The following KLHDC1 variants were observed in gnomAD, a reference collection of about 807,000 sequenced individuals.
The protein encoded by KLHDC1 is kelch domain-containing protein 1.
In KLHDC1, 53 loss-of-function variants were observed where a neutral mutation model predicts 68.3. That is an observed-to-expected ratio of 0.78 (90% CI 0.62 to 0.98). KLHDC1 has a LOEUF of 0.98. Among genes scored for constraint, KLHDC1 ranks in the 50% least tolerant of loss-of-function variants. The pLI, the probability that KLHDC1 is intolerant of heterozygous loss-of-function variation, is 0.00. For missense variants in KLHDC1, 470 were observed against 492.3 expected (o/e 0.95, Z 0.43); for synonymous variants, 148 against 159.0 (o/e 0.93, Z 0.52).
At chr14:49,701,126 A>G (rs1041011320) in intron 1 of KLHDC1, among the ~76,000 whole-genome samples, 7 of 152,190 alleles carry the variant, frequency 4.6e-5, no homozygotes, top group African/African-American at 1.7e-4. Context: ...ACAGCCAAGC[A>G]TATAAGGAAA....
At chr14:49,705,454 C>T (rs1176890280) in intron 1 of KLHDC1, among the ~76,000 whole-genome samples, 33 of 132,476 alleles carry the variant, frequency 2.5e-4, no homozygotes, top group Admixed American at 9.2e-5. Context: ...CTGCAACCTC[C>T]GCCTCCCAGG....
At chr14:49,713,823 TATATATATA>T (rs1888282565) in intron 4 of KLHDC1, among the ~76,000 whole-genome samples, 1 of 3,796 alleles carries the variant, frequency 2.6e-4, no homozygotes, top group Non-Finnish European at 1.9e-3. Context: ...TATATATATA[TATATATATA>T]TATATATATA....
intron 10 of KLHDC1, among the ~76,000 whole-genome samples, chr14:49,739,614 C>T (rs759208569): frequency 1.3e-5 from 2 of 152,032 alleles, no homozygotes; most frequent in Non-Finnish European, 2.9e-5. Context: ...ACAGTAACAT[C>T]GCAGATAGTA....
In KLHDC1 at chr14:49,693,169, C is replaced by A; in HGVS notation, c.-26C>A. 1 of 1,568,116 alleles carries A rather than the reference C, an allele frequency of 6.4e-7. No homozygotes were observed. The highest frequency in any genetic ancestry group is 8.6e-7 in the Non-Finnish European group (1 of 1,158,686). ...CGGGCGGGCAGGGGTTGTGGCGCGG[C>A]AAGCGGCGGGCCAGCGACGGCGCGA... On this transcript the variant is annotated 5_prime_UTR_variant, in exon 1 of 13. Transcript: ENST00000359332.
At chr14:49,729,079 G>T in intron 7 of KLHDC1, 70 bp downstream of exon 7, 2 of 1,041,888 alleles carry the variant, frequency 1.9e-6, no homozygotes, top group South Asian at 1.3e-5. Flanking sequence ...CTCTGATTTC[G>T]TGGAATAATT....
chr14:49,738,513 ATTT>A (rs940192146), intron 10 of KLHDC1, among the ~76,000 whole-genome samples: 1 of 149,446 alleles, frequency 6.7e-6, no homozygotes, highest in Non-Finnish European at 1.5e-5. Flanking sequence ...AGCTCGGCTA[ATTT>A]TTTTTTTATT....
chr14:49,710,292 T>C lies in KLHDC1; in HGVS notation c.315T>C (p.Asp105=). The C allele has an allele frequency of 6.2e-7, 1 of 1,608,452 alleles. No homozygotes were observed. Among genetic ancestry groups the C allele is most frequent in the African/African-American group, 1.3e-5 (1 of 74,870 alleles). Residue 105 remains aspartate (D), a synonymous_variant, in exon 4 of 13, where the codon GAT becomes GAC. Coordinates refer to ENST00000359332, the MANE Select transcript of KLHDC1 (RefSeq NM_172193.3). The part of the protein sequence containing the change: ...RLYFVNLRTR[D]ETYIWEKITD... ...ATTTTGTTAATTTACGAACAAGAGA[T>C]GAAACCTACATTTGGGAGAAAATCA...
At chr14:49,721,646 A>G (rs1444474603) in intron 4 of KLHDC1, among the ~76,000 whole-genome samples, 2 of 152,108 alleles carry the variant, frequency 1.3e-5, no homozygotes, top group Non-Finnish European at 2.9e-5. Context: ...TCTGGCTTCA[A>G]ATGTTTTGGG....
At chr14:49,746,683 A>G (rs867800985) in intron 12 of KLHDC1, among the ~76,000 whole-genome samples, 9 of 152,172 alleles carry the variant, frequency 5.9e-5, no homozygotes, top group African/African-American at 2.2e-4. Flanking sequence ...ACTAACCTCC[A>G]GCTCATTTTC....
chr14:49,740,065 G>T (rs757220929), intron 10 of KLHDC1, 33 bp from the exon 11 acceptor site: 1 of 1,204,562 alleles, frequency 8.3e-7, no homozygotes, highest in Non-Finnish European at 1.2e-6. Flanking sequence ...TCCCATGACA[G>T]TGTTTCACTC....
rs1040093448 is a variant in KLHDC1, at chr14:49,752,722, C to T, written c.*950C>T. On this transcript the variant is annotated 3_prime_UTR_variant, in exon 13 of 13. Coordinates refer to ENST00000359332, the MANE Select transcript of KLHDC1 (RefSeq NM_172193.3). ...TGTATTTTCAGCATTACCATCTATA[C>T]AGAAATGGAACACTGTATCTTTATA... 6.6e-6 allele frequency: 1 copy of T among 151,930 alleles called. No homozygotes were observed. Among genetic ancestry groups the T allele is most frequent in the Non-Finnish European group, 1.5e-5 (1 of 67,926 alleles). 9.4% of individuals were successfully genotyped at this position (151,930 alleles called of 1,614,324 possible).
intron 1 of KLHDC1, among the ~76,000 whole-genome samples, chr14:49,697,250 ATTG>A (rs1887770567): frequency 6.6e-6 from 1 of 152,100 alleles, no homozygotes; most frequent in Admixed American, 6.6e-5. Flanking sequence ...TACTTTCAAT[ATTG>A]TTGTATCTGA....
At chr14:49,741,572 G>T (rs1213609119) in intron 11 of KLHDC1, among the ~76,000 whole-genome samples, 3 of 152,038 alleles carry the variant, frequency 2.0e-5, no homozygotes, top group African/African-American at 7.2e-5. Context: ...CTCCCGAAGT[G>T]CAGGGATTAC....
chr14:49,745,313 T>C (rs913020778), intron 12 of KLHDC1, among the ~76,000 whole-genome samples: 1 of 152,140 alleles, frequency 6.6e-6, no homozygotes, highest in African/African-American at 2.4e-5. Flanking sequence ...TCAAAAAAAT[T>C]AATGCCTGTG....
At chr14:49,693,645 C>A (rs912135346) in intron 1 of KLHDC1, among the ~76,000 whole-genome samples, 1 of 151,750 alleles carries the variant, frequency 6.6e-6, no homozygotes, top group Non-Finnish European at 1.5e-5. Context: ...CCGAGGACGC[C>A]GTGCTGTATC....
chr14:49,738,592 C>A (rs911264627), intron 10 of KLHDC1, among the ~76,000 whole-genome samples: 6 of 152,182 alleles, frequency 3.9e-5, no homozygotes, highest in African/African-American at 1.2e-4. Context: ...TTGTGATCTG[C>A]CCACCTCAGC....
Position 49,709,830 on chromosome 14 carries a change from ATAATTTCTTTAAT to A in KLHDC1, c.285+6_285+18del, listed in dbSNP as rs1430799182. On this transcript the variant is annotated splice_donor_5th_base_variant and intron_variant, in intron 3 of 12. Transcript: ENST00000359332. The stretch of plus-strand genomic sequence containing the variant: ...TGACAAAGGATACAGCAATCGAGTA[ATAATTTCTTTAAT>A]TCAAGAGTGCAGCAAAATGTAATAT... The A allele has an allele frequency of 6.8e-7, 1 of 1,472,122 alleles. No homozygotes were observed. Among genetic ancestry groups the A allele is most frequent in the African/African-American group, 1.4e-5 (1 of 69,830 alleles). 91.2% of individuals were successfully genotyped at this position (1,472,122 alleles called of 1,614,324 possible). A position where few individuals can be genotyped will look rare whatever the true frequency, so the allele number is the denominator to read the frequency against.
Position 49,743,815 on chromosome 14 carries a change from T to C in KLHDC1, c.1034+10T>C. ...CTTATTCACTACTCAGGTAAGCAAA[T>C]TTAATATTTTCTATATATTTGCTAT... On this transcript the variant is annotated intron_variant, in intron 12 of 12. Coordinates refer to ENST00000359332, the MANE Select transcript of KLHDC1 (RefSeq NM_172193.3). 2 of 1,462,096 alleles carry C rather than the reference T, an allele frequency of 1.4e-6. No homozygotes were observed. Among genetic ancestry groups the C allele is most frequent in the Non-Finnish European group, 1.9e-6 (2 of 1,050,690 alleles). 90.6% of individuals were successfully genotyped at this position (1,462,096 alleles called of 1,614,324 possible). A position where few individuals can be genotyped will look rare whatever the true frequency, so the allele number is the denominator to read the frequency against.
chr14:49,729,361 C>G (rs759367387), intron 7 of KLHDC1, 129 bp from the exon 8 acceptor site: 1 of 675,926 alleles, frequency 1.5e-6, no homozygotes, highest in Non-Finnish European at 2.6e-6. Flanking sequence ...CATTGTTTTC[C>G]AATAGTTAAA....
Sources: gnomAD v4.1 joint callset for allele counts (sites outside exome capture counted in the v4.1 genomes callset) on GRCh38, gnomAD v4.1.1 for gene constraint, MANE v1.5 for transcripts, NCBI Gene and HGNC (gene_info 2026-07-23, HGNC 2026-07-21) for gene names.